The following TRAPPC10 variants were observed in gnomAD, a reference collection of about 807,000 sequenced individuals.
TRAPPC10 encodes the protein trafficking protein particle complex subunit 10.
In TRAPPC10, 23 loss-of-function variants were observed where a neutral mutation model predicts 125.5. The ratio of observed to expected loss-of-function variants is 0.18; its 90% confidence interval spans 0.13 to 0.26. TRAPPC10 has a LOEUF of 0.26. Among genes scored for constraint, TRAPPC10 ranks in the 10% least tolerant of loss-of-function variants. The pLI, the probability that TRAPPC10 is intolerant of heterozygous loss-of-function variation, is 1.00. For synonymous variants in TRAPPC10, 509 were observed against 518.0 expected (o/e 0.98, Z 0.24); for missense variants, 1,123 against 1,308.4 (o/e 0.86, Z 2.19).
intron 4 of TRAPPC10, among the ~76,000 whole-genome samples, chr21:44,053,797 C>G (rs1310703541): frequency 1.3e-5 from 2 of 152,170 alleles, no homozygotes; most frequent in Non-Finnish European, 2.9e-5. Flanking sequence ...GGGGGGATCA[C>G]GCCGCTCTCC....
At chr21:44,044,552 T>C (rs1223415605) in intron 3 of TRAPPC10, among the ~76,000 whole-genome samples, 1 of 152,122 alleles carries the variant, frequency 6.6e-6, no homozygotes, top group African/African-American at 2.4e-5. Context: ...CCTTTGTTAT[T>C]GTTGTCATAC....
In TRAPPC10 at chr21:44,086,769, A is replaced by G. The variant is rs775482549; in HGVS notation, c.2381-33A>G. 1.9e-6 allele frequency: 3 copies of G among 1,607,618 alleles called. No individual in the cohort carries two copies. In the East Asian group the frequency reaches 6.7e-5, roughly 36 times the overall value. On this transcript the variant is annotated intron_variant, in intron 15 of 22. Transcript: ENST00000291574. ...CCTGAGATGCTGTCTTCCGGTTGGC[A>G]GCGGTGCTGAGCCACGATCTCTTTT...
intron 1 of TRAPPC10, among the ~76,000 whole-genome samples, 161 bp downstream of exon 1, chr21:44,012,721 C>T (rs1462087302): frequency 1.3e-5 from 2 of 152,010 alleles, no homozygotes; most frequent in East Asian, 1.9e-4. Context: ...GGCCCTCTGA[C>T]TTTTCGGGGA....
At chr21:44,081,923 G>A (rs756149490) in intron 13 of TRAPPC10, among the ~76,000 whole-genome samples, 9 of 152,126 alleles carry the variant, frequency 5.9e-5, no homozygotes, top group Non-Finnish European at 1.2e-4. Flanking sequence ...GGGTTTCTCG[G>A]GAGCATCATG....
intron 15 of TRAPPC10, among the ~76,000 whole-genome samples, chr21:44,085,239 A>G (rs1954313682): frequency 6.6e-6 from 1 of 151,742 alleles, no homozygotes; most frequent in Admixed American, 6.6e-5. Context: ...ACAAAAAGAC[A>G]TCACTTTGGA....
chr21:44,028,151 A>T (rs752297038), intron 1 of TRAPPC10, among the ~76,000 whole-genome samples: 37 of 152,266 alleles, frequency 2.4e-4, no homozygotes, highest in Non-Finnish European at 4.4e-4. Flanking sequence ...CAAGTAATGC[A>T]TGAATACGTG....
chr21:44,061,227 C>G (rs916201326), intron 6 of TRAPPC10, among the ~76,000 whole-genome samples: 1 of 152,196 alleles, frequency 6.6e-6, no homozygotes, highest in Non-Finnish European at 1.5e-5. Flanking sequence ...ACCTCCGCCT[C>G]CCGGGTTCAC....
rs561582054 is a variant in TRAPPC10, at chr21:44,051,673, C to T, written c.286-607C>T. On this transcript the variant is annotated intron_variant, in intron 3 of 22. Coordinates refer to ENST00000291574, the MANE Select transcript of TRAPPC10 (RefSeq NM_003274.5). ...CCTGTCGGGAAGTAGAGCAGCCTTG[C>T]GGAAGCTGCAGGTCGCCTTCTTTCT... 3.9e-5 allele frequency among the ~76,000 whole-genome samples: 6 copies of T among 152,326 alleles called. No homozygotes were observed. In the East Asian group the frequency reaches 9.6e-4, roughly 24 times the overall value.
rs141542326 is a variant in TRAPPC10, at chr21:44,088,375, G to A, written c.2769+447G>A. ...TTACTGACAGTTACTTGAGAAAGATGTGATTTCGGTCCCAGAGCCACAGGA... is the reference window on the plus strand; with the variant it reads ...TTACTGACAGTTACTTGAGAAAGATATGATTTCGGTCCCAGAGCCACAGGA... On this transcript the variant is annotated intron_variant, in intron 17 of 22. Coordinates refer to ENST00000291574, the MANE Select transcript of TRAPPC10 (RefSeq NM_003274.5). The A allele has an allele frequency of 9.7e-5, 18 of 184,982 alleles. No homozygotes were observed. The East Asian group carries it at 2.5e-3, about 25-fold the overall frequency. 11.5% of individuals were successfully genotyped at this position (184,982 alleles called of 1,614,324 possible).
At chr21:44,042,814 T>A (rs1335275837) in intron 3 of TRAPPC10, among the ~76,000 whole-genome samples, 2 of 152,220 alleles carry the variant, frequency 1.3e-5, no homozygotes, top group Non-Finnish European at 2.9e-5. Context: ...GGTGCTTAGG[T>A]GTTTACAACT....
At chr21:44,068,990 G>A (rs1184647499) in intron 7 of TRAPPC10, among the ~76,000 whole-genome samples, 1 of 152,134 alleles carries the variant, frequency 6.6e-6, no homozygotes, top group Non-Finnish European at 1.5e-5. Flanking sequence ...AACAAATCTT[G>A]ATCTCACCCC....
At chr21:44,062,950 G>A in intron 6 of TRAPPC10, 1 of 1,291,884 alleles carries the variant, frequency 7.7e-7, no homozygotes, top group Non-Finnish European at 1.0e-6. Context: ...TGAGTCTTAG[G>A]GATGTAAGTA....
chr21:44,090,273 C>T (rs1256609601), intron 18 of TRAPPC10, among the ~76,000 whole-genome samples: 3 of 152,084 alleles, frequency 2.0e-5, no homozygotes, highest in African/African-American at 7.3e-5. Context: ...TCTGGACGCC[C>T]GCCTTTCTGG....
At chr21:44,061,800 C>T (rs1442536775) in intron 6 of TRAPPC10, among the ~76,000 whole-genome samples, 1 of 152,150 alleles carries the variant, frequency 6.6e-6, no homozygotes, top group Non-Finnish European at 1.5e-5. Flanking sequence ...TCTAAAACTG[C>T]CAATCACAGT....
chr21:44,058,719 G>A (rs1007886104), intron 5 of TRAPPC10, among the ~76,000 whole-genome samples: 24 of 152,174 alleles, frequency 1.6e-4, no homozygotes, highest in African/African-American at 4.8e-4. Context: ...GTCCAAGGGC[G>A]GAGCCCTGCG....
rs764400236 is a variant in TRAPPC10, at chr21:44,075,055, A to G, written c.1202A>G (p.Tyr401Cys). The G allele has an allele frequency of 2.7e-5, 43 of 1,613,254 alleles. No individual in the cohort carries two copies. Among genetic ancestry groups the G allele is most frequent in the Middle Eastern group, 1.6e-4 (1 of 6,080 alleles). ...YATEKLKSLGYLCGLVSEKGP... is the reference protein window; with the variant it reads ...YATEKLKSLGCLCGLVSEKGP... ...TCTTAACAGTTAAAGTCCTTGGGCTATCTATGTGGACTTGTGTCAGAGAAA... is the reference window on the plus strand; with the variant it reads ...TCTTAACAGTTAAAGTCCTTGGGCTGTCTATGTGGACTTGTGTCAGAGAAA... Residue 401 changes from tyrosine to cysteine, a missense_variant, in exon 9 of 23, where the codon TAT becomes TGT. This residue lies in a region of TRAPPC10 where 840 missense variants were observed against 902.0 expected (regional missense o/e 0.93). Coordinates refer to ENST00000291574, the MANE Select transcript of TRAPPC10 (RefSeq NM_003274.5).
At chr21:44,088,139 AC>A (rs1204531778) in intron 17 of TRAPPC10, 3 of 582,162 alleles carry the variant, frequency 5.2e-6, no homozygotes, top group East Asian at 2.9e-5. Context: ...AGCCAGCTCT[AC>A]CTTTCCCTCT....
At chr21:44,056,343 GGAGGC>G (rs1278055377) in intron 5 of TRAPPC10, among the ~76,000 whole-genome samples, 4 of 152,132 alleles carry the variant, frequency 2.6e-5, no homozygotes, top group African/African-American at 9.7e-5. Flanking sequence ...AAGAACTGTT[GGAGGC>G]AGGATTACTG....
chr21:44,025,493 G>A (rs62229740), intron 1 of TRAPPC10, among the ~76,000 whole-genome samples: 10,292 of 152,204 alleles, frequency 0.068, 459 homozygotes, highest in Non-Finnish European at 0.099. Flanking sequence ...ATATTCAGAT[G>A]CATTTATCCA....
Sources: allele counts gnomAD v4.1 joint callset (sites outside exome capture counted in the v4.1 genomes callset), GRCh38; gene constraint gnomAD v4.1.1; regional missense constraint gnomAD v4.1.1; transcripts MANE v1.5; gene names NCBI Gene and HGNC (gene_info 2026-07-23, HGNC 2026-07-21).